The following DCLK1 variants were observed in gnomAD, a reference collection of about 807,000 sequenced individuals.
DCLK1 encodes doublecortin like kinase 1.
A neutral mutation model predicts 86.2 loss-of-function variants in DCLK1; 16 were observed. The observed-to-expected ratio is 0.19, with a 90% CI of 0.13 to 0.28. The LOEUF (loss-of-function observed/expected upper bound fraction) is 0.28, where lower values mean the gene tolerates loss of function less well. Among genes scored for constraint, DCLK1 ranks in the 10% least tolerant of loss-of-function variants. The pLI is 1.00. For missense variants in DCLK1, 590 were observed against 940.2 expected (o/e 0.63, Z 4.87); for synonymous variants, 369 against 370.5 (o/e 1.00, Z 0.05).
At chr13:35,879,546 C>T (rs766685835) in intron 4 of DCLK1, among the ~76,000 whole-genome samples, 21 of 152,162 alleles carry the variant, frequency 1.4e-4, no homozygotes, top group Non-Finnish European at 2.8e-4. Context: ...CAGAGGTCTG[C>T]AGGTGTCCTG....
At chr13:35,827,549 A>T in intron 10 of DCLK1, 86 bp downstream of exon 10, 2 of 1,502,474 alleles carry the variant, frequency 1.3e-6, no homozygotes, top group South Asian at 2.4e-5. Context: ...CTGAATACTG[A>T]TGGGAGAAAA....
chr13:35,968,047 T>A (rs143688851), intron 3 of DCLK1, among the ~76,000 whole-genome samples: 1,785 of 145,900 alleles, frequency 0.012, 28 homozygotes, highest in African/African-American at 0.036. Flanking sequence ...AAATAAAATT[T>A]AAAAAAAAAA....
intron 4 of DCLK1, among the ~76,000 whole-genome samples, chr13:35,896,571 C>A (rs1018441501): frequency 7.5e-6 from 1 of 133,444 alleles, no homozygotes; most frequent in Non-Finnish European, 1.6e-5. Flanking sequence ...TTAAAATATG[C>A]TGTTAGAACT....
At chr13:35,996,392 G>A (rs1352738492) in intron 3 of DCLK1, among the ~76,000 whole-genome samples, 3 of 152,214 alleles carry the variant, frequency 2.0e-5, no homozygotes, top group Admixed American at 2.0e-4. Context: ...CAACTTGGCT[G>A]GGCCACGGGG....
At chr13:35,881,614 C>T (rs1872907521) in intron 4 of DCLK1, among the ~76,000 whole-genome samples, 1 of 152,184 alleles carries the variant, frequency 6.6e-6, no homozygotes, top group Admixed American at 6.5e-5. Context: ...GACTGCAGCA[C>T]TTGGCACTAT....
intron 3 of DCLK1, among the ~76,000 whole-genome samples, chr13:35,964,052 T>A (rs1379452980): frequency 6.6e-6 from 1 of 152,212 alleles, no homozygotes; most frequent in African/African-American, 2.4e-5. Context: ...TACTACTGCA[T>A]GAAGTTAAAC....
intron 14 of DCLK1, among the ~76,000 whole-genome samples, chr13:35,806,173 T>G (rs541302193): frequency 6.6e-6 from 1 of 152,252 alleles, no homozygotes; most frequent in East Asian, 1.9e-4. Context: ...AAATTTCACT[T>G]TAGCAGCTGA....
chr13:36,062,343 T>C (rs1883582441), intron 3 of DCLK1, among the ~76,000 whole-genome samples: 2 of 152,158 alleles, frequency 1.3e-5, no homozygotes, highest in South Asian at 4.1e-4. Flanking sequence ...TGGTATCCCC[T>C]GGAATGTGCA....
At chr13:36,098,882 C>T (rs1418387380) in intron 3 of DCLK1, among the ~76,000 whole-genome samples, 1 of 152,042 alleles carries the variant, frequency 6.6e-6, no homozygotes, top group Non-Finnish European at 1.5e-5. Context: ...CTAAAATATG[C>T]CACAAGCTTA....
chr13:35,899,100 A>G (rs1874184767), intron 4 of DCLK1, among the ~76,000 whole-genome samples: 1 of 152,210 alleles, frequency 6.6e-6, no homozygotes, highest in Non-Finnish European at 1.5e-5. Flanking sequence ...GGGGGACAGC[A>G]TGCAATGACT....
chr13:35,816,060 G>C (rs1219493960), intron 11 of DCLK1, among the ~76,000 whole-genome samples: 2 of 152,104 alleles, frequency 1.3e-5, no homozygotes, highest in Non-Finnish European at 2.9e-5. Flanking sequence ...TATCTTAAAA[G>C]GAGTTCTATG....
intron 3 of DCLK1, among the ~76,000 whole-genome samples, chr13:36,027,108 C>G (rs893401561): frequency 1.3e-5 from 2 of 152,086 alleles, no homozygotes; most frequent in African/African-American, 4.8e-5. Context: ...GTAGCATTAT[C>G]CTCTATAGCC....
At chr13:35,898,238 C>A (rs1194029818) in intron 4 of DCLK1, among the ~76,000 whole-genome samples, 1 of 152,154 alleles carries the variant, frequency 6.6e-6, no homozygotes, top group Non-Finnish European at 1.5e-5. Flanking sequence ...AATGTCTTAT[C>A]CTAGAAGAGT....
chr13:35,842,560 G>T (rs2153108506), intron 6 of DCLK1, among the ~76,000 whole-genome samples: 1 of 152,212 alleles, frequency 6.6e-6, no homozygotes, highest in South Asian at 2.1e-4. Context: ...TTCTGGGTGT[G>T]CTCTGACTAG....
At chr13:35,942,121 T>C (rs1488220678) in intron 4 of DCLK1, among the ~76,000 whole-genome samples, 1 of 152,168 alleles carries the variant, frequency 6.6e-6, no homozygotes, top group East Asian at 1.9e-4. Flanking sequence ...TCAGCTCTCC[T>C]CCCTGATGGT....
Position 36,126,039 on chromosome 13 carries a change from C to G in DCLK1, c.99G>C (p.Pro33=), listed in dbSNP as rs754667282. 1.2e-5 allele frequency: 19 copies of G among 1,613,684 alleles called. No homozygotes were observed. Among genetic ancestry groups the G allele is most frequent in the Non-Finnish European group, 1.5e-5 (18 of 1,180,018 alleles). The change falls in exon 2 of 17, where the codon CCG becomes CCC. Residue 33 remains proline, a synonymous_variant. Transcript: ENST00000360631. ...RGSRVNGLPS[P]THSAHCSFYR... ...AGAAGCTGCAGTGGGCGCTGTGCGT[C>G]GGGCTCGGCAGGCCGTTCACCCGCG...
At chr13:36,105,037 C>G (rs1318573864) in intron 3 of DCLK1, among the ~76,000 whole-genome samples, 2 of 152,022 alleles carry the variant, frequency 1.3e-5, no homozygotes, top group African/African-American at 2.4e-5. Flanking sequence ...ATTATCACCC[C>G]AATATTATGA....
chr13:35,960,870 T>C (rs1878417113), intron 3 of DCLK1, among the ~76,000 whole-genome samples: 1 of 152,216 alleles, frequency 6.6e-6, no homozygotes, highest in Admixed American at 6.5e-5. Flanking sequence ...TACAAACTTG[T>C]CTCATATTAC....
rs376823877 is a variant in DCLK1 at position 35,836,525 on chromosome 13, G to A, written c.1121-384C>T. Among the ~76,000 whole-genome samples the A allele has an allele frequency of 5.3e-5, 8 of 152,254 alleles. No homozygotes were observed. In the East Asian group the frequency reaches 1.2e-3, roughly 22 times the overall value. ...CCCATGTATGGCGCAGGAGGCAACCGCAGTTCGCAAGGGACTCTGGGCTGC... is the reference window on the plus strand; with the variant it reads ...CCCATGTATGGCGCAGGAGGCAACCACAGTTCGCAAGGGACTCTGGGCTGC... On this transcript the variant is annotated intron_variant, in intron 7 of 16. Coordinates refer to ENST00000360631, the MANE Select transcript of DCLK1 (RefSeq NM_001330071.2).
Sources: gnomAD v4.1 joint callset for allele counts (sites outside exome capture counted in the v4.1 genomes callset) on GRCh38, gnomAD v4.1.1 for gene constraint, MANE v1.5 for transcripts, NCBI Gene and HGNC (gene_info 2026-07-23, HGNC 2026-07-21) for gene names.